The following STAU2 variants were observed in gnomAD, a reference collection of about 807,000 sequenced individuals.
STAU2 encodes the protein staufen double-stranded RNA binding protein 2, also known as double-stranded RNA-binding protein Staufen homolog 2.
A neutral mutation model predicts 65.9 loss-of-function variants in STAU2; 20 were observed. The ratio of observed to expected loss-of-function variants is 0.30; its 90% confidence interval spans 0.21 to 0.44. The LOEUF (loss-of-function observed/expected upper bound fraction) is 0.44. Ranked by LOEUF, STAU2 falls within the 20% of genes least tolerant of loss-of-function variation. STAU2 has a pLI of 1.00. For synonymous variants in STAU2, 232 were observed against 233.9 expected, an observed-to-expected ratio of 0.99 and a Z score of 0.07; for missense variants, 558 against 683.9, an observed-to-expected ratio of 0.82 and a Z score of 2.05.
At chr8:73,442,721 A>G (rs1170541915) in intron 13 of STAU2, among the ~76,000 whole-genome samples, 1 of 152,232 alleles carries the variant, frequency 6.6e-6, no homozygotes, top group African/African-American at 2.4e-5. Flanking sequence ...TGAACTTGTA[A>G]GGTTAAAAGT....
intron 3 of STAU2, among the ~76,000 whole-genome samples, chr8:73,710,373 A>G (rs1359912092): frequency 7.7e-6 from 1 of 130,294 alleles, no homozygotes; most frequent in African/African-American, 3.1e-5. Context: ...ACAGGCTTCT[A>G]TCCTTTTTTT....
chr8:73,604,160 T>A (rs543286107), intron 9 of STAU2, among the ~76,000 whole-genome samples: 85 of 151,726 alleles, frequency 5.6e-4, no homozygotes, highest in Non-Finnish European at 8.8e-4. Flanking sequence ...TCAAGAAACA[T>A]CAAAAAGAAC....
Position 73,613,831 on chromosome 8 carries a change from G to A in STAU2, c.804C>T (p.Val268=), listed in dbSNP as rs144539323. 86 of 1,613,746 alleles carry A rather than the reference G, an allele frequency of 5.3e-5. 1 individual carries two copies. The African/African-American group carries it at 8.0e-4, about 15-fold the overall frequency. ...KLSKKRAATT[V]LQELKKLPPL... is the part of the protein sequence containing the mutation. ...GTGGAAGTTTTTTAAGCTCCTGTAAGACGGTGGTCGCAGCGCGCTTCTTGG... is the reference window on the plus strand; with the variant it reads ...GTGGAAGTTTTTTAAGCTCCTGTAAAACGGTGGTCGCAGCGCGCTTCTTGG... Residue 268 remains valine, a synonymous_variant, in exon 9 of 15, where the codon GTC becomes GTT. Transcript: ENST00000524300.
At chr8:73,607,647 G>A (rs1212825187) in intron 9 of STAU2, among the ~76,000 whole-genome samples, 2 of 149,644 alleles carry the variant, frequency 1.3e-5, no homozygotes, top group African/African-American at 4.9e-5. Context: ...TGAGGCAGGA[G>A]AATCACTTTA....
intron 13 of STAU2, among the ~76,000 whole-genome samples, chr8:73,497,984 T>C (rs1821520898): frequency 1.3e-5 from 2 of 151,832 alleles, no homozygotes; most frequent in African/African-American, 4.8e-5. Flanking sequence ...ATACAACTTA[T>C]GTACACGTGG....
chr8:73,489,402 A>T (rs1319876389), intron 13 of STAU2, among the ~76,000 whole-genome samples: 1 of 152,048 alleles, frequency 6.6e-6, no homozygotes, highest in African/African-American at 2.4e-5. Context: ...TAAATAGTTA[A>T]GTACAACTGA....
chr8:73,715,465 AAG>A lies in STAU2; in HGVS notation c.-17-6305_-17-6304del, dbSNP rs1554570410. 1.3e-3 allele frequency among the ~76,000 whole-genome samples: 180 copies of A among 143,900 alleles called. 7 individuals are homozygous for A. Among genetic ancestry groups the A allele is most frequent in the Middle Eastern group, 3.6e-3 (1 of 276 alleles). The allele number at this position is 143,900 out of a possible 152,430, so 94.4% of individuals were successfully genotyped here. A position where few individuals can be genotyped will look rare whatever the true frequency, so the allele number is the denominator to read the frequency against. On this transcript the variant is annotated intron_variant, in intron 3 of 14. Transcript: ENST00000524300. ...AGTGAGACTGTCAAAAAAAAAAAAAAAGAAAGAAAGAAAGAAAAATTCAAATT... is the reference window on the plus strand; with the variant it reads ...AGTGAGACTGTCAAAAAAAAAAAAAAAAAGAAAGAAAGAAAAATTCAAATT...
At chr8:73,705,091 G>C (rs1220755349) in intron 4 of STAU2, among the ~76,000 whole-genome samples, 1 of 152,028 alleles carries the variant, frequency 6.6e-6, no homozygotes, top group Non-Finnish European at 1.5e-5. Context: ...TTTACTAAGG[G>C]GTTGTTTTAG....
rs747501019 is a variant in STAU2, at chr8:73,613,911, G to A, written c.724C>T (p.Arg242Ter). Residue 242 changes from arginine to a stop codon, truncating the protein, a stop_gained, in exon 9 of 15, where the codon CGA (arginine) becomes TGA (stop). Coordinates refer to ENST00000524300, the MANE Select transcript of STAU2 (RefSeq NM_001164380.2). LOFTEE classifies it high-confidence loss of function. ...GCAGAGAACTCTCCTACTGACACTC[G>A]AGTAACAAAGCTTTTCATATGTGGT... ...GPPHMKSFVT[R>*]VSVGEFSAEG... 4 of 1,612,680 alleles carry A rather than the reference G, an allele frequency of 2.5e-6. No individual in the cohort carries two copies. Among genetic ancestry groups the A allele is most frequent in the Non-Finnish European group, 2.5e-6 (3 of 1,179,640 alleles).
chr8:73,443,721 G>A (rs1460874509), intron 13 of STAU2, among the ~76,000 whole-genome samples: 1 of 152,092 alleles, frequency 6.6e-6, no homozygotes, highest in Non-Finnish European at 1.5e-5. Context: ...GGTGGCATAT[G>A]CCTGTAGTCC....
intron 13 of STAU2, among the ~76,000 whole-genome samples, chr8:73,487,016 A>C (rs1287817948): frequency 6.6e-6 from 1 of 152,088 alleles, no homozygotes; most frequent in Non-Finnish European, 1.5e-5. Flanking sequence ...TTATAATGGC[A>C]ACAGAAAACT....
At chr8:73,478,335 A>C (rs905421701) in intron 13 of STAU2, among the ~76,000 whole-genome samples, 2 of 151,860 alleles carry the variant, frequency 1.3e-5, no homozygotes, top group African/African-American at 4.8e-5. Context: ...AAATCGAAAA[A>C]AAAATATCTC....
intron 9 of STAU2, among the ~76,000 whole-genome samples, chr8:73,605,884 C>CAT (rs1811994943): frequency 6.2e-5 from 7 of 112,630 alleles, no homozygotes; most frequent in East Asian, 2.4e-4. Context: ...CACATACACA[C>CAT]ACACACACAC....
chr8:73,681,353 G>C (rs774327356), intron 5 of STAU2, among the ~76,000 whole-genome samples: 1 of 152,106 alleles, frequency 6.6e-6, no homozygotes, highest in Non-Finnish European at 1.5e-5. Flanking sequence ...AGAATTTTAT[G>C]TCCAGTGAAA....
At position 73,582,870 on chromosome 8, in the gene STAU2, G is replaced by A. The variant is rs753250682; in HGVS notation, c.1162-40C>T. On this transcript the variant is annotated intron_variant, in intron 11 of 14. Coordinates refer to ENST00000524300, the MANE Select transcript of STAU2 (RefSeq NM_001164380.2). The stretch of plus-strand genomic sequence containing the variant: ...CAATCGTTCAAATCCAGAGAAACAA[G>A]CTTATTCAAAAAGAAAAAAAAAAAG... The A allele has an allele frequency of 1.1e-5, 17 of 1,562,404 alleles. 1 individual carries two copies. The East Asian group carries it at 3.2e-4, about 29-fold the overall frequency.
chr8:73,541,275 T>C (rs1191188553), intron 13 of STAU2, among the ~76,000 whole-genome samples: 1 of 152,074 alleles, frequency 6.6e-6, no homozygotes, highest in Non-Finnish European at 1.5e-5. Context: ...CCCCAAAATA[T>C]AAGCATAAAC....
chr8:73,615,246 T>C (rs1396874604), intron 8 of STAU2, among the ~76,000 whole-genome samples: 1 of 152,166 alleles, frequency 6.6e-6, no homozygotes, highest in Non-Finnish European at 1.5e-5. Flanking sequence ...ATCTTACTTC[T>C]TGGTGATTTT....
chr8:73,440,409 C>A (rs1277253098), intron 13 of STAU2: 18 of 152,226 alleles, frequency 1.2e-4, no homozygotes, highest in Non-Finnish European at 1.5e-5. Flanking sequence ...ATCCCCAAAC[C>A]ACTCTTCCCT....
chr8:73,672,010 G>C (rs1236197806), intron 6 of STAU2, among the ~76,000 whole-genome samples: 1 of 151,986 alleles, frequency 6.6e-6, no homozygotes, highest in East Asian at 1.9e-4. Flanking sequence ...GGGTGACAGA[G>C]TGAGACTGCG....
Sources: allele counts gnomAD v4.1 joint callset (sites outside exome capture counted in the v4.1 genomes callset), GRCh38; gene constraint gnomAD v4.1.1; transcripts MANE v1.5; gene names NCBI Gene and HGNC (gene_info 2026-07-23, HGNC 2026-07-21).